FAM53A: variants seen among roughly 807,000 people sequenced by gnomAD.
FAM53A encodes protein FAM53A.
FAM53A carries 28 observed loss-of-function variants against 26.6 expected under a neutral mutation model. The observed-to-expected ratio is 1.05, with a 90% CI of 0.78 to 1.45. FAM53A has a LOEUF of 1.45. Ranked by LOEUF, FAM53A falls within the 40% of genes most tolerant of loss-of-function variation. FAM53A has a pLI of 0.00. For missense variants in FAM53A, 650 were observed against 575.8 expected (o/e 1.13, Z -1.32); for synonymous variants, 290 against 253.1 (o/e 1.15, Z -1.38).
the FAM53A span, among the ~76,000 whole-genome samples, chr4:1,601,580 C>A: frequency 1.8e-5 from 2 of 109,806 alleles, no homozygotes; most frequent in African/African-American, 6.0e-5. Context: ...GCCATGCGCC[C>A]CATCTGCCAT....
intron 2 of FAM53A, among the ~76,000 whole-genome samples, chr4:1,660,278 C>T (rs1713729839): frequency 1.3e-5 from 2 of 150,214 alleles, no homozygotes; most frequent in Admixed American, 1.3e-4. Flanking sequence ...AGCAAGACTC[C>T]GTGCAGAAAA....
intron 1 of FAM53A, among the ~76,000 whole-genome samples, chr4:1,670,381 G>C (rs1714552684): frequency 6.6e-6 from 1 of 152,226 alleles, no homozygotes; most frequent in South Asian, 2.1e-4. Context: ...GACGCGCACA[G>C]TGGGCCACCC....
chr4:1,598,451 A>C, the FAM53A span, among the ~76,000 whole-genome samples: 1 of 152,228 alleles, frequency 6.6e-6, no homozygotes, highest in East Asian at 1.9e-4. Context: ...CGGGGGCCGC[A>C]ATCCCCAAAC....
chr4:1,613,909 C>T (rs1441426090), downstream of FAM53A, among the ~76,000 whole-genome samples: 4 of 152,172 alleles, frequency 2.6e-5, no homozygotes, highest in Admixed American at 6.5e-5. Flanking sequence ...TCAGGTCCCA[C>T]GCAAAGAGGG....
At chr4:1,604,071 C>A in the FAM53A span, among the ~76,000 whole-genome samples, 1 of 152,204 alleles carries the variant, frequency 6.6e-6, no homozygotes, top group Admixed American at 6.5e-5. Context: ...GGGCCATCAT[C>A]GCGGGGTGGT....
At chr4:1,631,736 C>A (rs916874833) in intron 1 of FAM53A, among the ~76,000 whole-genome samples, 3 of 152,178 alleles carry the variant, frequency 2.0e-5, no homozygotes, top group East Asian at 1.9e-4. Context: ...GGAATAAACA[C>A]ACAGAAAAGC....
In FAM53A at chr4:1,641,510, G is replaced by C. The variant is rs868605136; in HGVS notation, c.980C>G (p.Ser327Cys). The C allele has an allele frequency of 8.1e-6, 13 of 1,614,120 alleles. No homozygotes were observed. The highest frequency in any genetic ancestry group is 1.1e-5 in the Non-Finnish European group (13 of 1,180,042). The change falls in exon 5 of 5, where the codon TCC becomes TGC. Residue 327 changes from serine (S) to cysteine (C), a missense_variant. Ser to Cys is a moderately radical substitution (Grantham distance 112). Transcript: ENST00000308132. The stretch of plus-strand genomic sequence containing the variant: ...CATGGTGATGCCAGGGAGGCCCCGG[G>C]AGTCACATGGGGAGGACAGAACCGT... ...VKTVLSSPCD[S>C]RGLPGITMPG...
chr4:1,679,095 G>A (rs1055215981), intron 1 of FAM53A, among the ~76,000 whole-genome samples: 1 of 152,114 alleles, frequency 6.6e-6, no homozygotes, highest in African/African-American at 2.4e-5. Flanking sequence ...GTTCCAGACT[G>A]AAAGAAAATA....
the FAM53A span, among the ~76,000 whole-genome samples, chr4:1,593,636 A>G: frequency 6.6e-6 from 1 of 152,052 alleles, no homozygotes; most frequent in Non-Finnish European, 1.5e-5. Flanking sequence ...TATTTAAAAG[A>G]TAGCGCGATA....
intron 1 of FAM53A, among the ~76,000 whole-genome samples, chr4:1,631,559 C>T (rs17674641): frequency 0.21 from 31,302 of 152,114 alleles, 3,823 homozygotes; most frequent in Non-Finnish European, 0.28. Context: ...GAGCTGAAGG[C>T]GCCCAACCAC....
chr4:1,581,516 C>T, the FAM53A span, among the ~76,000 whole-genome samples: 1 of 152,212 alleles, frequency 6.6e-6, no homozygotes, highest in Non-Finnish European at 1.5e-5. Context: ...CGTGGTCCTG[C>T]ATATCTGGAA....
intron 1 of FAM53A, among the ~76,000 whole-genome samples, chr4:1,619,519 C>T (rs1191464403): frequency 6.6e-6 from 1 of 152,202 alleles, no homozygotes; most frequent in Non-Finnish European, 1.5e-5. Context: ...TGGACATGGG[C>T]ACTTTCCTCC....
chr4:1,608,052 C>T, the FAM53A span, among the ~76,000 whole-genome samples: 1 of 152,128 alleles, frequency 6.6e-6, no homozygotes, highest in Non-Finnish European at 1.5e-5. Context: ...GCGGAGGTCG[C>T]AGTGAGCCGA....
chr4:1,619,080 C>T (rs1199833843), intron 1 of FAM53A, among the ~76,000 whole-genome samples: 2 of 152,228 alleles, frequency 1.3e-5, no homozygotes, highest in Admixed American at 6.5e-5. Flanking sequence ...GCCCACATAA[C>T]GGCCTGGGCT....
intron 1 of FAM53A, among the ~76,000 whole-genome samples, chr4:1,679,600 C>T (rs901309729): frequency 6.7e-6 from 1 of 150,006 alleles, no homozygotes; most frequent in African/African-American, 2.5e-5. Context: ...GCAGGAGAAT[C>T]CCTTGAACCC....
At chr4:1,574,802 G>C in the FAM53A span, among the ~76,000 whole-genome samples, 3 of 152,254 alleles carry the variant, frequency 2.0e-5, no homozygotes, top group Admixed American at 2.0e-4. Flanking sequence ...GGCAGGCTCA[G>C]CTTGTCTCTG....
At chr4:1,594,515 TC>T in the FAM53A span, among the ~76,000 whole-genome samples, 1 of 152,230 alleles carries the variant, frequency 6.6e-6, no homozygotes, top group Non-Finnish European at 1.5e-5. Flanking sequence ...TTCTCTATCT[TC>T]TTTTCAAAAA....
chr4:1,621,950 C>T (rs973552435), intron 1 of FAM53A, among the ~76,000 whole-genome samples: 4 of 152,176 alleles, frequency 2.6e-5, no homozygotes, highest in Admixed American at 6.5e-5. Context: ...GGTCGGACGG[C>T]ACCGCATTCA....
the FAM53A span, among the ~76,000 whole-genome samples, chr4:1,578,562 CAGA>C: frequency 2.6e-5 from 4 of 151,550 alleles, no homozygotes; most frequent in Non-Finnish European, 4.4e-5. Flanking sequence ...TTGCTGGGGG[CAGA>C]AGATTTGTCG....
Sources: gnomAD v4.1 joint callset for allele counts (sites outside exome capture counted in the v4.1 genomes callset) on GRCh38, gnomAD v4.1.1 for gene constraint, MANE v1.5 for transcripts, NCBI Gene and HGNC (gene_info 2026-07-23, HGNC 2026-07-21) for gene names.